NAALADL2: variants seen among roughly 807,000 people sequenced by gnomAD.
NAALADL2 encodes the protein N-acetylated alpha-linked acidic dipeptidase like 2, also known as inactive N-acetylated-alpha-linked acidic dipeptidase-like protein 2.
A neutral mutation model predicts 87.2 loss-of-function variants in NAALADL2; 76 were observed. The ratio of observed to expected loss-of-function variants is 0.87; its 90% CI spans 0.72 to 1.05. The LOEUF (loss-of-function observed/expected upper bound fraction) is 1.05, where lower values mean the gene tolerates loss of function less well. Ranked by LOEUF, NAALADL2 falls within the 50% of genes least tolerant of loss-of-function variation. NAALADL2 has a pLI of 0.00. For synonymous variants in NAALADL2, 354 were observed against 331.0 expected, an observed-to-expected ratio of 1.07 and a Z score of -0.75; for missense variants, 1,089 against 945.8, an observed-to-expected ratio of 1.15 and a Z score of -1.99.
chr3:174,608,238 A>C (rs1719351687), intron 2 of NAALADL2, among the ~76,000 whole-genome samples: 1 of 152,100 alleles, frequency 6.6e-6, no homozygotes, highest in East Asian at 1.9e-4. Flanking sequence ...TTGACACCCT[A>C]ACATCACAAT....
chr3:175,233,448 T>C lies in NAALADL2; in HGVS notation c.546-483T>C, dbSNP rs144429240. Among the ~76,000 whole-genome samples the C allele has an allele frequency of 1.4e-3, 210 of 152,234 alleles. 2 individuals are homozygous for C. In the East Asian group the frequency reaches 0.032, roughly 23 times the overall value. ...TTTTTGTTTTGTTTTGTTTTATTTG[T>C]TTGTTTTTCTTTGGAGAGAGTCTCA... On this transcript the variant is annotated intron_variant, in intron 2 of 13. Transcript: ENST00000454872.
chr3:174,844,119 A>G (rs1042196330), intron 3 of NAALADL2, among the ~76,000 whole-genome samples: 2 of 152,074 alleles, frequency 1.3e-5, no homozygotes, highest in Non-Finnish European at 2.9e-5. Context: ...GCATTTACCT[A>G]TGTTTCCTTC....
At chr3:174,622,959 C>T (rs1212662539) in intron 2 of NAALADL2, among the ~76,000 whole-genome samples, 5 of 152,108 alleles carry the variant, frequency 3.3e-5, no homozygotes, top group Non-Finnish European at 5.9e-5. Flanking sequence ...AGGAGAATGG[C>T]GTGAACCCAG....
chr3:175,577,940 C>A (rs754586823), intron 10 of NAALADL2, among the ~76,000 whole-genome samples: 69 of 151,838 alleles, frequency 4.5e-4, no homozygotes, highest in Admixed American at 3.3e-4. Context: ...AAATATTTAT[C>A]CTATATCAAT....
At chr3:174,714,967 G>A (rs1004541783) in intron 2 of NAALADL2, among the ~76,000 whole-genome samples, 3 of 152,096 alleles carry the variant, frequency 2.0e-5, no homozygotes, top group African/African-American at 7.2e-5. Flanking sequence ...TTTGAGATAT[G>A]TCCCATCAAT....
chr3:174,901,013 A>G, intron 1 of NAALADL2, among the ~76,000 whole-genome samples: 1 of 152,174 alleles, frequency 6.6e-6, no homozygotes, highest in Middle Eastern at 3.2e-3. Flanking sequence ...AGACACTTGA[A>G]TATTTGGATG....
chr3:174,750,445 T>C (rs192558413), intron 3 of NAALADL2, among the ~76,000 whole-genome samples: 8 of 57,640 alleles, frequency 1.4e-4, no homozygotes, highest in Admixed American at 1.3e-3. Flanking sequence ...TTTGTTTTTT[T>C]TGGAGACAGA....
At position 175,382,575 on chromosome 3, in the gene NAALADL2, T is replaced by C. The variant is rs534943554; in HGVS notation, c.1090+58250T>C. ...ACTCTTTGAGCCAAGTGAATTGCAA[T>C]GAGACTGATAGATTGTCGGATCATA... On this transcript the variant is annotated intron_variant, in intron 5 of 13. Coordinates refer to ENST00000454872, the MANE Select transcript of NAALADL2 (RefSeq NM_207015.3). 1.9e-3 allele frequency among the ~76,000 whole-genome samples: 87 copies of C among 46,994 alleles called. 12 individuals carry two copies. Among genetic ancestry groups the C allele is most frequent in the Non-Finnish European group, 3.3e-3 (68 of 20,374 alleles). The allele number at this position is 46,994 out of a possible 152,430, so 30.8% of individuals were successfully genotyped here. A position where few individuals can be genotyped will look rare whatever the true frequency, so the allele number is the denominator to read the frequency against.
At chr3:174,706,593 G>C (rs986652485) in intron 2 of NAALADL2, among the ~76,000 whole-genome samples, 2 of 152,090 alleles carry the variant, frequency 1.3e-5, no homozygotes, top group African/African-American at 4.8e-5. Context: ...GGTTGCCTGT[G>C]CACTCTGATG....
At chr3:174,943,219 G>A (rs1318606791) in intron 1 of NAALADL2, among the ~76,000 whole-genome samples, 2 of 152,140 alleles carry the variant, frequency 1.3e-5, no homozygotes, top group African/African-American at 2.4e-5. Flanking sequence ...TATTTGTTTG[G>A]TGTTTTCTCT....
chr3:175,065,383 C>A (rs1340690845), intron 1 of NAALADL2, among the ~76,000 whole-genome samples: 2 of 152,182 alleles, frequency 1.3e-5, no homozygotes, highest in Non-Finnish European at 2.9e-5. Flanking sequence ...TTATTAGATT[C>A]TTTCAGAGTC....
intron 2 of NAALADL2, among the ~76,000 whole-genome samples, chr3:175,196,674 G>A (rs1739058391): frequency 6.6e-6 from 1 of 151,900 alleles, no homozygotes; most frequent in Non-Finnish European, 1.5e-5. Context: ...CGTAAAAGTT[G>A]CATTTTTAGT....
At chr3:174,698,537 G>A (rs1297520388) in intron 2 of NAALADL2, among the ~76,000 whole-genome samples, 1 of 151,890 alleles carries the variant, frequency 6.6e-6, no homozygotes, top group African/African-American at 2.4e-5. Context: ...AGATTCTCTA[G>A]TTTCCTTGTT....
At chr3:174,898,395 ATAAAT>A (rs1213946652) in intron 1 of NAALADL2, among the ~76,000 whole-genome samples, 9 of 151,504 alleles carry the variant, frequency 5.9e-5, no homozygotes, top group African/African-American at 1.4e-4. Context: ...GTAATAATAA[ATAAAT>A]TAATAATAAA....
At chr3:175,238,548 A>G (rs570768540) in intron 3 of NAALADL2, among the ~76,000 whole-genome samples, 1 of 152,306 alleles carries the variant, frequency 6.6e-6, no homozygotes, top group South Asian at 2.1e-4. Context: ...TGATTTAAAT[A>G]TCTATATCAA....
At chr3:174,666,400 T>A (rs999975546) in intron 2 of NAALADL2, among the ~76,000 whole-genome samples, 1 of 152,018 alleles carries the variant, frequency 6.6e-6, no homozygotes, top group Admixed American at 6.6e-5. Flanking sequence ...AACTACATTG[T>A]CTTCTCTAAT....
At chr3:174,769,502 A>G (rs1181518027) in intron 3 of NAALADL2, among the ~76,000 whole-genome samples, 1 of 151,880 alleles carries the variant, frequency 6.6e-6, no homozygotes, top group African/African-American at 2.4e-5. Flanking sequence ...ACTATTACAA[A>G]TATTTTAAAG....
chr3:175,203,655 C>T (rs1560160082), intron 2 of NAALADL2, among the ~76,000 whole-genome samples: 1 of 152,092 alleles, frequency 6.6e-6, no homozygotes, highest in Non-Finnish European at 1.5e-5. Flanking sequence ...GCCTCCTGTC[C>T]ACCATGATAA....
At chr3:175,376,235 T>C (rs183375975) in intron 5 of NAALADL2, among the ~76,000 whole-genome samples, 1 of 152,256 alleles carries the variant, frequency 6.6e-6, no homozygotes, top group East Asian at 1.9e-4. Flanking sequence ...AATTTCCATC[T>C]GGTAACCTTT....
Sources: gnomAD v4.1 joint callset for allele counts (sites outside exome capture counted in the v4.1 genomes callset) on GRCh38, gnomAD v4.1.1 for gene constraint, MANE v1.5 for transcripts, NCBI Gene and HGNC (gene_info 2026-07-23, HGNC 2026-07-21) for gene names.